The following MISP variants were observed in gnomAD, a reference collection of about 807,000 sequenced individuals.
MISP encodes the protein mitotic interactor and substrate of PLK1.
Under a neutral mutation model 49.3 loss-of-function variants are expected in MISP, and 51 were observed. That is an observed-to-expected ratio of 1.03 (90% CI 0.83 to 1.31). The LOEUF is 1.31. Ranked by LOEUF, MISP falls within the 50% of genes most tolerant of loss-of-function variation. MISP has a pLI of 0.00. For missense variants in MISP, 1,084 were observed against 935.1 expected (o/e 1.16, Z -2.08); for synonymous variants, 444 against 392.6 (o/e 1.13, Z -1.55).
chr19:755,374 G>A (rs889494058), intron 1 of MISP, among the ~76,000 whole-genome samples: 8 of 152,312 alleles, frequency 5.3e-5, no homozygotes, highest in East Asian at 3.9e-4. Context: ...AGGCCCAGGC[G>A]GGGATGTTGT....
Position 763,574 on chromosome 19 carries a change from GTGAGGAGGATGAC to G in MISP, c.2029_*1del. On this transcript the variant is annotated frameshift_variant, in exon 5 of 5. Transcript: ENST00000215582. LOFTEE classifies it high-confidence loss of function. ...CGCTGGGAATCCCGCATCTACGCCA[GTGAGGAGGATGAC>G]TGAGCCTCGGGATGGGGCGCCCACC... The G allele has an allele frequency of 1.2e-6, 2 of 1,613,804 alleles. No individual in the cohort carries two copies. The highest frequency in any genetic ancestry group is 1.7e-6 in the Non-Finnish European group (2 of 1,179,856).
At chr19:753,552 A>AT (rs1231485400) in intron 1 of MISP, among the ~76,000 whole-genome samples, 2 of 150,522 alleles carry the variant, frequency 1.3e-5, no homozygotes, top group South Asian at 2.1e-4. Flanking sequence ...CACCCGGTTA[A>AT]TTTTTTTTGT....
At chr19:748,586 C>T (rs910225584), upstream of MISP, among the ~76,000 whole-genome samples, 3 of 152,122 alleles carry the variant, frequency 2.0e-5, no homozygotes, top group Admixed American at 1.3e-4. Context: ...TCGGGTTCTG[C>T]GGCCGCCCCG....
At chr19:761,820 T>G (rs1455167133) in intron 4 of MISP, among the ~76,000 whole-genome samples, 157 bp downstream of exon 4, 4 of 152,192 alleles carry the variant, frequency 2.6e-5, no homozygotes, top group Non-Finnish European at 5.9e-5. Context: ...TTTGCTGTGA[T>G]CTGCTTGTGA....
At position 754,315 on chromosome 19, in the gene MISP, T is replaced by A. The variant is rs552269349; in HGVS notation, c.-57-2575T>A. 5.9e-5 allele frequency among the ~76,000 whole-genome samples: 9 copies of A among 152,242 alleles called. No homozygotes were observed. In the South Asian group the frequency reaches 1.9e-3, roughly 32 times the overall value. ...CCGTCTCTACTAAAAATACAAAAAA[T>A]TAGCCAGGCGTGGTGGCGGGCGCCC... On this transcript the variant is annotated intron_variant, in intron 1 of 4. Transcript: ENST00000215582.
intron 1 of MISP, among the ~76,000 whole-genome samples, chr19:753,701 A>G (rs550879229): frequency 6.6e-6 from 1 of 151,762 alleles, no homozygotes; most frequent in Non-Finnish European, 1.5e-5. Flanking sequence ...ACAAAAAAAA[A>G]TGCTGCTGGT....
At position 758,377 on chromosome 19, in the gene MISP, C is replaced by T. The variant is rs375709251; in HGVS notation, c.1431C>T (p.Pro477=). ...ATCTCTCAGAATCCTCTGGAAAACC[C>T]CTGAGCACAAAGCAAGAGGCATCGA... ...PRHLSESSGK[P]LSTKQEASKP... Residue 477 remains proline (P), a synonymous_variant, in exon 2 of 5, where the codon CCC becomes CCT. Transcript: ENST00000215582. The T allele has an allele frequency of 8.1e-6, 13 of 1,614,206 alleles. No homozygotes were observed. The highest frequency in any genetic ancestry group is 1.1e-5 in the Non-Finnish European group (13 of 1,180,042).
intron 1 of MISP, among the ~76,000 whole-genome samples, chr19:756,427 G>A (rs566290030): frequency 6.6e-6 from 1 of 152,146 alleles, no homozygotes; most frequent in East Asian, 1.9e-4. Context: ...GATTGATCAG[G>A]ATGAGTCACT....
intron 1 of MISP, among the ~76,000 whole-genome samples, chr19:751,867 C>T (rs1281406017): frequency 6.6e-6 from 1 of 152,206 alleles, no homozygotes; most frequent in Non-Finnish European, 1.5e-5. Flanking sequence ...CTCCCTTCTG[C>T]ATGGCCTCCT....
At position 757,216 on chromosome 19, in the gene MISP, G is replaced by C. The variant is rs913713629; in HGVS notation, c.270G>C (p.Glu90Asp). 1 of 1,613,764 alleles carries C rather than the reference G, an allele frequency of 6.2e-7. No homozygotes were observed. Among genetic ancestry groups the C allele is most frequent in the Non-Finnish European group, 8.5e-7 (1 of 1,180,002 alleles). Reference sequence around the variant, plus strand: ...TCCACTCGGAGAACAGGGAGGATGAGGGTTGGCAGGTTTACCGCCTGGGCG... The same window carrying C: ...TCCACTCGGAGAACAGGGAGGATGACGGTTGGCAGGTTTACCGCCTGGGCG... ...RGLHSENREDEGWQVYRLGAR... is the reference protein window; with the variant it reads ...RGLHSENREDDGWQVYRLGAR... The change falls in exon 2 of 5, where the codon GAG (glutamate) becomes GAC (aspartate). Residue 90 changes from glutamate to aspartate, a missense_variant. Physicochemically the swap from Glu to Asp is conservative, Grantham distance 45 (BLOSUM62 2). Transcript: ENST00000215582.
intron 4 of MISP, 147 bp from the exon 5 acceptor site, chr19:763,354 T>C: frequency 1.6e-6 from 1 of 615,206 alleles, no homozygotes; most frequent in South Asian, 2.0e-5. Flanking sequence ...TCTTTGATCA[T>C]ATTACTAGGA....
intron 1 of MISP, among the ~76,000 whole-genome samples, chr19:752,967 C>G (rs1008534844): frequency 9.9e-5 from 15 of 152,200 alleles, no homozygotes; most frequent in African/African-American, 3.6e-4. Flanking sequence ...TGGTGTTTGC[C>G]CAGCCAGTAT....
At chr19:751,767 C>A (rs1234100171) in intron 1 of MISP, among the ~76,000 whole-genome samples, 1 of 152,182 alleles carries the variant, frequency 6.6e-6, no homozygotes, top group Non-Finnish European at 1.5e-5. Context: ...GGCCCAGCGT[C>A]TGCCGGTGGA....
At position 757,204 on chromosome 19, in the gene MISP, CAG is replaced by C. The variant is rs1325190697; in HGVS notation, c.259_260del (p.Arg87GlyfsTer3). On this transcript the variant is annotated frameshift_variant, in exon 2 of 5. Coordinates refer to ENST00000215582, the MANE Select transcript of MISP (RefSeq NM_173481.4). LOFTEE classifies it high-confidence loss of function. ...PSPRGLHSEN[R>X]EDEGWQVYRL... Reference sequence around the variant, plus strand: ...CCCCACGGGGGCTCCACTCGGAGAACAGGGAGGATGAGGGTTGGCAGGTTTAC... The same window carrying C: ...CCCCACGGGGGCTCCACTCGGAGAACGGAGGATGAGGGTTGGCAGGTTTAC... The C allele has an allele frequency of 1.9e-6, 3 of 1,613,478 alleles. No individual in the cohort carries two copies. Among genetic ancestry groups the C allele is most frequent in the Non-Finnish European group, 2.5e-6 (3 of 1,179,990 alleles).
chr19:761,691 C>T (rs1384036407), intron 4 of MISP, 28 bp downstream of exon 4: 1 of 1,613,512 alleles, frequency 6.2e-7, no homozygotes. Flanking sequence ...CACGAAGACT[C>T]AAGTCTTTCC....
upstream of MISP, among the ~76,000 whole-genome samples, chr19:749,820 G>A (rs1486743461): frequency 6.6e-6 from 1 of 150,904 alleles, no homozygotes; most frequent in Non-Finnish European, 1.5e-5. Context: ...GCGAGACTCC[G>A]TCTCAAAAAA....
intron 1 of MISP, among the ~76,000 whole-genome samples, chr19:752,374 C>A (rs1046779900): frequency 3.3e-5 from 5 of 152,010 alleles, no homozygotes; most frequent in African/African-American, 4.8e-5. Flanking sequence ...AAATACAAAA[C>A]TTAGCCGGGC....
chr19:757,612 C>A lies in MISP; in HGVS notation c.666C>A (p.Gly222=), dbSNP rs755646340. 6.2e-7 allele frequency: 1 copy of A among 1,612,632 alleles called. No individual in the cohort carries two copies. The highest frequency in any genetic ancestry group is 1.1e-5 in the South Asian group (1 of 90,928). The change falls in exon 2 of 5, where the codon GGC becomes GGA. Residue 222 remains glycine (G), a synonymous_variant. Transcript: ENST00000215582. ...CCCCGGCCAGGGGGACCCCTGCAGGCACAACCCCAGGGGCCAGCCAGGCCC... is the reference window on the plus strand; with the variant it reads ...CCCCGGCCAGGGGGACCCCTGCAGGAACAACCCCAGGGGCCAGCCAGGCCC... The part of the protein sequence containing the change: ...HSSPARGTPA[G]TTPGASQAPK...
At position 757,405 on chromosome 19, in the gene MISP, G is replaced by A. The variant is rs920970624; in HGVS notation, c.459G>A (p.Arg153=). 4 of 1,606,798 alleles carry A rather than the reference G, an allele frequency of 2.5e-6. No homozygotes were observed. Among genetic ancestry groups the A allele is most frequent in the Admixed American group, 3.4e-5 (2 of 58,282 alleles). ...CCGTCATCCAGGGCCAGGCAGTCAG[G>A]AAGAGCAGCACCGTGGCCACGCTCC... ...RWAVIQGQAV[R]KSSTVATLQG... is the part of the protein sequence containing the mutation. Residue 153 remains arginine, a synonymous_variant, in exon 2 of 5, where the codon AGG becomes AGA. Transcript: ENST00000215582.
Sources: gnomAD v4.1 joint callset for allele counts (sites outside exome capture counted in the v4.1 genomes callset) on GRCh38, gnomAD v4.1.1 for gene constraint, MANE v1.5 for transcripts, NCBI Gene and HGNC (gene_info 2026-07-23, HGNC 2026-07-21) for gene names.